The following MTUS2 variants were observed in gnomAD, a reference collection of about 807,000 sequenced individuals.
MTUS2 encodes the protein microtubule-associated tumor suppressor candidate 2.
A neutral mutation model predicts 114.1 loss-of-function variants in MTUS2; 40 were observed. That is an observed-to-expected ratio of 0.35 (90% CI 0.27 to 0.46). The LOEUF (loss-of-function observed/expected upper bound fraction) is 0.46, where lower values mean the gene tolerates loss of function less well. Ranked by LOEUF, MTUS2 falls within the 20% of genes least tolerant of loss-of-function variation. The pLI is 1.00. For synonymous variants in MTUS2, 688 were observed against 672.0 expected (o/e 1.02, Z -0.37); for missense variants, 1,679 against 1,705.4 (o/e 0.98, Z 0.27).
At chr13:29,076,267 C>T (rs2138709897) in intron 4 of MTUS2, among the ~76,000 whole-genome samples, 1 of 152,310 alleles carries the variant, frequency 6.6e-6, no homozygotes, top group South Asian at 2.1e-4. Flanking sequence ...GCTTCAAAGC[C>T]ACTCTTACAG....
chr13:29,476,458 A>G (rs1317873716), intron 9 of MTUS2: 1 of 152,228 alleles, frequency 6.6e-6, no homozygotes, highest in Non-Finnish European at 1.5e-5. Flanking sequence ...AAACATCTAA[A>G]TTTATCCTCT....
chr13:29,181,243 A>G (rs9579303), intron 5 of MTUS2, among the ~76,000 whole-genome samples: 112,184 of 151,894 alleles, frequency 0.74, 41,541 homozygotes, highest in East Asian at 0.8. Context: ...AGCCACTGGT[A>G]GCAGCAGGCA....
At chr13:29,338,910 C>T (rs1440685922) in intron 7 of MTUS2, among the ~76,000 whole-genome samples, 1 of 152,162 alleles carries the variant, frequency 6.6e-6, no homozygotes, top group African/African-American at 2.4e-5. Context: ...TCAGTGTGGG[C>T]TCTGCAGGCT....
chr13:29,150,440 G>A (rs1335037696), intron 5 of MTUS2, among the ~76,000 whole-genome samples: 2 of 152,024 alleles, frequency 1.3e-5, no homozygotes, highest in South Asian at 2.1e-4. Flanking sequence ...CTGGACATTC[G>A]ACCTTTGTCA....
intron 5 of MTUS2, among the ~76,000 whole-genome samples, chr13:29,137,726 C>T (rs1321933895): frequency 6.6e-6 from 1 of 151,980 alleles, no homozygotes; most frequent in Admixed American, 6.6e-5. Flanking sequence ...AAGCGATTCT[C>T]CTGTCTCAGC....
chr13:29,417,202 A>G (rs766184766), intron 8 of MTUS2, among the ~76,000 whole-genome samples: 6 of 152,128 alleles, frequency 3.9e-5, no homozygotes, highest in Non-Finnish European at 7.4e-5. Flanking sequence ...AAAGGGGGCA[A>G]GAGAGAGAAG....
At chr13:29,199,352 G>T (rs1387483857) in intron 5 of MTUS2, among the ~76,000 whole-genome samples, 4 of 152,190 alleles carry the variant, frequency 2.6e-5, no homozygotes, top group Admixed American at 2.6e-4. Flanking sequence ...ATAGTATTTT[G>T]AGATATGTTC....
intron 2 of MTUS2, among the ~76,000 whole-genome samples, chr13:29,018,787 G>T (rs1274462770): frequency 2.7e-5 from 2 of 74,384 alleles, no homozygotes; most frequent in Admixed American, 1.9e-4. Context: ...CCCGCCCCCT[G>T]CAAAAAAAAA....
Position 28,948,664 on chromosome 13 carries a change from G to A in MTUS2, c.-242-75793G>A, listed in dbSNP as rs149142699. On this transcript the variant is annotated intron_variant, in intron 2 of 15. Transcript: ENST00000612955. ...AAATATCAGAGGAGGCTTAATAACC[G>A]TGTTGGCAACATATTCCAGAGCACC... 3.5e-3 allele frequency among the ~76,000 whole-genome samples: 527 copies of A among 152,262 alleles called. 3 individuals carry two copies. Among genetic ancestry groups the A allele is most frequent in the African/African-American group, 0.012 (506 of 41,538 alleles).
chr13:29,149,619 C>T (rs1481495035), intron 5 of MTUS2, among the ~76,000 whole-genome samples: 1 of 152,112 alleles, frequency 6.6e-6, no homozygotes, highest in Non-Finnish European at 1.5e-5. Context: ...AATGGTATTG[C>T]CTAGATTTTC....
At chr13:29,084,334 C>T (rs1889572567) in intron 4 of MTUS2, among the ~76,000 whole-genome samples, 1 of 151,086 alleles carries the variant, frequency 6.6e-6, no homozygotes, top group African/African-American at 2.4e-5. Context: ...TTGCTTTCTC[C>T]ATCTCTTTCT....
chr13:29,174,616 A>ATGT (rs1893695531), intron 5 of MTUS2, among the ~76,000 whole-genome samples: 1 of 152,168 alleles, frequency 6.6e-6, no homozygotes, highest in Non-Finnish European at 1.5e-5. Context: ...CCTAATAAGT[A>ATGT]TGTTTTTCTC....
chr13:29,304,551 A>G (rs1385713457), intron 6 of MTUS2, among the ~76,000 whole-genome samples: 6 of 152,248 alleles, frequency 3.9e-5, no homozygotes, highest in African/African-American at 4.8e-5. Flanking sequence ...AGGGCATTAC[A>G]TAATGGTAAA....
intron 5 of MTUS2, among the ~76,000 whole-genome samples, chr13:29,198,482 A>G (rs539236752): frequency 2.6e-5 from 4 of 152,230 alleles, no homozygotes; most frequent in African/African-American, 4.8e-5. Context: ...GCCTTGTAGT[A>G]TAGTTTGAAG....
intron 7 of MTUS2, among the ~76,000 whole-genome samples, chr13:29,345,025 C>T (rs1475109143): frequency 9.9e-5 from 15 of 152,222 alleles, no homozygotes; most frequent in Middle Eastern, 3.4e-3. Context: ...CTGAAAAATT[C>T]GCTGTTAATC....
chr13:28,989,440 A>G (rs1884725115), intron 2 of MTUS2, among the ~76,000 whole-genome samples: 1 of 152,246 alleles, frequency 6.6e-6, no homozygotes, highest in Non-Finnish European at 1.5e-5. Context: ...TGGCCTCATT[A>G]ACAAAGTCCC....
chr13:29,501,044 A>C, intron 14 of MTUS2, 53 bp from the exon 15 acceptor site: 1 of 1,462,558 alleles, frequency 6.8e-7, no homozygotes, highest in Admixed American at 1.7e-5. Context: ...GCACCGGTTT[A>C]CTCCCGATTT....
chr13:29,406,196 A>G (rs1414040146), intron 8 of MTUS2, among the ~76,000 whole-genome samples: 1 of 152,166 alleles, frequency 6.6e-6, no homozygotes, highest in Non-Finnish European at 1.5e-5. Context: ...TGTCTTAGTT[A>G]TCTATTGTTG....
intron 5 of MTUS2, among the ~76,000 whole-genome samples, chr13:29,190,231 AT>A (rs1373611787): frequency 6.6e-6 from 1 of 152,246 alleles, no homozygotes; most frequent in Non-Finnish European, 1.5e-5. Context: ...AACATAGCTA[AT>A]ACCTAACACT....
Sources: gnomAD v4.1 joint callset for allele counts (sites outside exome capture counted in the v4.1 genomes callset) on GRCh38, gnomAD v4.1.1 for gene constraint, MANE v1.5 for transcripts, NCBI Gene and HGNC (gene_info 2026-07-23, HGNC 2026-07-21) for gene names.